DPP10: variants seen among roughly 807,000 people sequenced by gnomAD.
DPP10 encodes the protein dipeptidyl peptidase like 10, also known as inactive dipeptidyl peptidase 10.
Under a neutral mutation model 120.9 loss-of-function variants are expected in DPP10, and 33 were observed. The ratio of observed to expected loss-of-function variants is 0.27; its 90% CI spans 0.21 to 0.37. The LOEUF is 0.37. DPP10 is among the 10% of genes least tolerant of loss of function. The pLI is 1.00. For missense variants in DPP10, 816 were observed against 942.8 expected, an observed-to-expected ratio of 0.87 and a Z score of 1.76; for synonymous variants, 337 against 326.1, an observed-to-expected ratio of 1.03 and a Z score of -0.36.
intron 1 of DPP10, among the ~76,000 whole-genome samples, chr2:115,116,692 C>A (rs909583227): frequency 1.3e-5 from 2 of 152,154 alleles, no homozygotes; most frequent in East Asian, 1.9e-4. Flanking sequence ...AAAGGTACTT[C>A]TTTACACATA....
At chr2:114,535,222 AAC>A (rs1221291872) in intron 1 of DPP10, among the ~76,000 whole-genome samples, 1 of 152,176 alleles carries the variant, frequency 6.6e-6, no homozygotes, top group East Asian at 1.9e-4. Flanking sequence ...TCACCTATTT[AAC>A]ACATATTTCT....
At chr2:115,187,117 A>T (rs2054514685) in intron 1 of DPP10, among the ~76,000 whole-genome samples, 1 of 135,916 alleles carries the variant, frequency 7.4e-6, no homozygotes, top group Non-Finnish European at 1.5e-5. Flanking sequence ...GCTCACTGCA[A>T]GCTCCGCTTC....
chr2:114,719,890 T>C (rs1701596069), intron 1 of DPP10, among the ~76,000 whole-genome samples: 1 of 152,186 alleles, frequency 6.6e-6, no homozygotes, highest in Non-Finnish European at 1.5e-5. Context: ...TTGAAGAACA[T>C]ACAGTGGCCT....
At chr2:114,673,795 T>C (rs1210176044) in intron 1 of DPP10, among the ~76,000 whole-genome samples, 3 of 152,164 alleles carry the variant, frequency 2.0e-5, no homozygotes, top group African/African-American at 7.2e-5. Flanking sequence ...TCTTATTCTA[T>C]GAAATACACT....
At chr2:114,462,229 A>C in intron 1 of DPP10, 1 of 773,016 alleles carries the variant, frequency 1.3e-6, no homozygotes, top group Non-Finnish European at 1.6e-6. Context: ...AGAGCCGTAT[A>C]TACCACCCTA....
At chr2:115,241,539 A>G (rs192159497) in intron 1 of DPP10, among the ~76,000 whole-genome samples, 7 of 152,320 alleles carry the variant, frequency 4.6e-5, no homozygotes, top group Non-Finnish European at 1.5e-5. Flanking sequence ...GTGATTCACA[A>G]TAAATCAGTA....
intron 3 of DPP10, among the ~76,000 whole-genome samples, chr2:115,495,943 C>T (rs554243963): frequency 1.3e-5 from 2 of 152,226 alleles, no homozygotes; most frequent in Admixed American, 1.3e-4. Context: ...CTACCTTAAT[C>T]TTTCCATGTT....
intron 1 of DPP10, among the ~76,000 whole-genome samples, chr2:115,154,948 G>A (rs1217116702): frequency 1.3e-5 from 2 of 150,520 alleles, no homozygotes; most frequent in Non-Finnish European, 2.9e-5. Context: ...CTGGAGTGCA[G>A]TGGCGCCATC....
chr2:115,789,524 T>G (rs1376443683), intron 17 of DPP10, among the ~76,000 whole-genome samples: 1 of 152,178 alleles, frequency 6.6e-6, no homozygotes, highest in Non-Finnish European at 1.5e-5. Context: ...TCATGCTTAA[T>G]GGTGAAAGAA....
intron 5 of DPP10, among the ~76,000 whole-genome samples, chr2:115,557,130 C>T (rs933624967): frequency 2.0e-5 from 3 of 152,036 alleles, no homozygotes; most frequent in African/African-American, 7.2e-5. Context: ...TAAAATATAA[C>T]CACATGAAAT....
At chr2:115,776,576 A>T (rs1682123398) in intron 13 of DPP10, among the ~76,000 whole-genome samples, 1 of 152,132 alleles carries the variant, frequency 6.6e-6, no homozygotes, top group South Asian at 2.1e-4. Flanking sequence ...TTCTCTAACT[A>T]CATAAAGTGG....
intron 1 of DPP10, among the ~76,000 whole-genome samples, chr2:115,037,616 C>CA (rs1362585585): frequency 6.6e-6 from 1 of 152,158 alleles, no homozygotes; most frequent in Admixed American, 6.5e-5. Flanking sequence ...ATAATGCAGG[C>CA]ACCTGGATTG....
At chr2:114,904,666 A>T (rs1693829920) in intron 1 of DPP10, among the ~76,000 whole-genome samples, 1 of 152,240 alleles carries the variant, frequency 6.6e-6, no homozygotes, top group East Asian at 1.9e-4. Flanking sequence ...TACTAACAGA[A>T]ATACAGCAAG....
intron 1 of DPP10, among the ~76,000 whole-genome samples, chr2:114,727,527 T>C (rs1450112510): frequency 6.6e-6 from 1 of 152,214 alleles, no homozygotes; most frequent in Non-Finnish European, 1.5e-5. Context: ...GCACTGTTCC[T>C]GGGCCAACAT....
chr2:115,378,984 G>A (rs943734119), intron 3 of DPP10, among the ~76,000 whole-genome samples: 3 of 152,194 alleles, frequency 2.0e-5, no homozygotes, highest in Admixed American at 6.5e-5. Context: ...TTGCATCAAT[G>A]TTCATCAAGG....
chr2:114,787,631 C>T (rs981768017), intron 1 of DPP10, among the ~76,000 whole-genome samples: 3 of 152,154 alleles, frequency 2.0e-5, no homozygotes, highest in Admixed American at 1.3e-4. Flanking sequence ...TTCAGCACAC[C>T]GTCACCATGC....
intron 2 of DPP10, among the ~76,000 whole-genome samples, chr2:115,338,410 A>T (rs1295912020): frequency 6.6e-6 from 1 of 152,134 alleles, no homozygotes; most frequent in Non-Finnish European, 1.5e-5. Context: ...AAGCAATGTC[A>T]CTGACACTAT....
intron 1 of DPP10, among the ~76,000 whole-genome samples, chr2:114,971,925 A>G (rs752152357): frequency 6.6e-6 from 1 of 152,204 alleles, no homozygotes; most frequent in Non-Finnish European, 1.5e-5. Flanking sequence ...CACCCCCAGG[A>G]CTCATCATGG....
At chr2:114,910,281 T>C (rs1694272768) in intron 1 of DPP10, among the ~76,000 whole-genome samples, 1 of 151,952 alleles carries the variant, frequency 6.6e-6, no homozygotes, top group Non-Finnish European at 1.5e-5. Context: ...TCTAGTTTTA[T>C]AATAATTAAA....
Sources: gnomAD v4.1 joint callset for allele counts (sites outside exome capture counted in the v4.1 genomes callset) on GRCh38, gnomAD v4.1.1 for gene constraint, MANE v1.5 for transcripts, NCBI Gene and HGNC (gene_info 2026-07-23, HGNC 2026-07-21) for gene names.